The following KCNB2 variants were observed in gnomAD, a reference collection of about 807,000 sequenced individuals.
KCNB2 encodes delayed rectifier potassium channel protein.
KCNB2 carries 15 observed loss-of-function variants against 61.5 expected under a neutral mutation model. The ratio of observed to expected loss-of-function variants is 0.24; its 90% CI spans 0.16 to 0.38. The LOEUF (loss-of-function observed/expected upper bound fraction) is 0.38. KCNB2 is among the 10% of genes least tolerant of loss of function. KCNB2 has a pLI of 1.00. For synonymous variants in KCNB2, 457 were observed against 446.0 expected (o/e 1.02, Z -0.31); for missense variants, 828 against 1,125.2 (o/e 0.74, Z 3.78).
intron 2 of KCNB2, among the ~76,000 whole-genome samples, chr8:72,761,566 G>C (rs1301045509): frequency 6.6e-6 from 1 of 152,118 alleles, no homozygotes; most frequent in Non-Finnish European, 1.5e-5. Flanking sequence ...ATAATGAGAG[G>C]AAAATGGATT....
intron 1 of KCNB2, among the ~76,000 whole-genome samples, chr8:72,562,409 G>A (rs892784228): frequency 6.6e-5 from 10 of 152,154 alleles, no homozygotes; most frequent in African/African-American, 1.9e-4. Context: ...GGGTGCAGCC[G>A]TGCAAAACTC....
chr8:72,883,875 A>G (rs1805757832), intron 2 of KCNB2, among the ~76,000 whole-genome samples: 1 of 152,196 alleles, frequency 6.6e-6, no homozygotes, highest in African/African-American at 2.4e-5. Context: ...GTTACCAACA[A>G]CACTGCGATG....
At chr8:72,757,356 A>G (rs2246155) in intron 2 of KCNB2, among the ~76,000 whole-genome samples, 15 of 151,954 alleles carry the variant, frequency 9.9e-5, no homozygotes, top group African/African-American at 3.6e-4. Flanking sequence ...GGAAAGGGAG[A>G]CAGCAAATAC....
At chr8:72,610,676 T>C (rs1805523002) in intron 2 of KCNB2, among the ~76,000 whole-genome samples, 2 of 152,216 alleles carry the variant, frequency 1.3e-5, no homozygotes, top group Admixed American at 6.5e-5. Flanking sequence ...TAAGGTTTAT[T>C]ATTAGTCTCA....
intron 2 of KCNB2, among the ~76,000 whole-genome samples, chr8:72,781,184 T>C (rs1808747729): frequency 6.6e-6 from 1 of 152,212 alleles, no homozygotes; most frequent in Non-Finnish European, 1.5e-5. Flanking sequence ...ACTCTGATGA[T>C]AGTTTCTTTT....
rs958617343 is a variant in KCNB2 at position 72,573,637 on chromosome 8, C to T, written c.579+5324C>T. Among the ~76,000 whole-genome samples the T allele has an allele frequency of 2.0e-4, 30 of 151,506 alleles. 1 individual carries two copies. Among genetic ancestry groups the T allele is most frequent in the South Asian group, 6.3e-4 (3 of 4,774 alleles). The stretch of plus-strand genomic sequence containing the variant: ...GTGTACCACGCAGTGCTATCCTCTA[C>T]ATTGAGGCCCCTCTGTGTACCGTGC... On this transcript the variant is annotated intron_variant, in intron 2 of 2. Transcript: ENST00000523207.
At chr8:72,869,014 T>C (rs1369890137) in intron 2 of KCNB2, among the ~76,000 whole-genome samples, 1 of 152,078 alleles carries the variant, frequency 6.6e-6, no homozygotes, top group Non-Finnish European at 1.5e-5. Flanking sequence ...AGGTAGGGGA[T>C]AGTTGTTGGT....
chr8:72,780,730 A>G (rs927984578), intron 2 of KCNB2, among the ~76,000 whole-genome samples: 1 of 152,144 alleles, frequency 6.6e-6, no homozygotes, highest in African/African-American at 2.4e-5. Context: ...TCCTTTGGGT[A>G]TATATCCAGT....
chr8:72,567,758 C>A lies in KCNB2; in HGVS notation c.24C>A (p.Gly8=), dbSNP rs760086865. 1.3e-6 allele frequency: 2 copies of A among 1,584,144 alleles called. No individual in the cohort carries two copies. Among genetic ancestry groups the A allele is most frequent in the Non-Finnish European group, 8.6e-7 (1 of 1,167,306 alleles). ...AAATGGCAGAAAAGGCTCCCCCGGG[C>A]TTAAACAGGAAGACTTCAAGGTCGA... The part of the protein sequence containing the change: MAEKAPP[G]LNRKTSRSTL... Residue 8 remains glycine (G), a synonymous_variant, in exon 2 of 3, where the codon GGC becomes GGA. Coordinates refer to ENST00000523207, the MANE Select transcript of KCNB2 (RefSeq NM_004770.3).
intron 2 of KCNB2, among the ~76,000 whole-genome samples, chr8:72,619,859 A>C (rs928519109): frequency 6.6e-6 from 1 of 152,230 alleles, no homozygotes; most frequent in Non-Finnish European, 1.5e-5. Flanking sequence ...AAAGGATTTA[A>C]TTATTCATTG....
At chr8:72,734,761 G>A (rs1807810445) in intron 2 of KCNB2, among the ~76,000 whole-genome samples, 1 of 152,174 alleles carries the variant, frequency 6.6e-6, no homozygotes, top group Non-Finnish European at 1.5e-5. Context: ...TTACCTGGCT[G>A]CATGGTGCAT....
intron 2 of KCNB2, among the ~76,000 whole-genome samples, chr8:72,588,135 A>G (rs778564104): frequency 1.3e-5 from 2 of 151,934 alleles, no homozygotes; most frequent in African/African-American, 2.4e-5. Flanking sequence ...AAATTTTTAC[A>G]GTGGCACATT....
intron 2 of KCNB2, among the ~76,000 whole-genome samples, chr8:72,691,204 G>A (rs945816793): frequency 5.3e-5 from 8 of 152,238 alleles, no homozygotes; most frequent in African/African-American, 1.9e-4. Flanking sequence ...CTCTAGCAAC[G>A]GACATCACTG....
In KCNB2 at chr8:72,580,544, A is replaced by G. The variant is rs529608395; in HGVS notation, c.579+12231A>G. Among the ~76,000 whole-genome samples the G allele has an allele frequency of 2.7e-4, 41 of 152,316 alleles. 1 individual carries two copies. In the South Asian group the frequency reaches 8.5e-3, roughly 32 times the overall value. On this transcript the variant is annotated intron_variant, in intron 2 of 2. Coordinates refer to ENST00000523207, the MANE Select transcript of KCNB2 (RefSeq NM_004770.3). ...TACCCACTTGCTATCCCACAGGACA[A>G]CAGTGAATCATAAATTCCACCCTAA...
At chr8:72,872,613 C>T (rs1805637064) in intron 2 of KCNB2, among the ~76,000 whole-genome samples, 2 of 152,132 alleles carry the variant, frequency 1.3e-5, no homozygotes, top group Admixed American at 6.5e-5. Flanking sequence ...TGAATTGTCA[C>T]GAGTGGTACA....
intron 2 of KCNB2, among the ~76,000 whole-genome samples, chr8:72,789,434 T>C (rs1258710773): frequency 6.6e-6 from 1 of 152,122 alleles, no homozygotes; most frequent in Non-Finnish European, 1.5e-5. Flanking sequence ...ATTATCTAAA[T>C]CTTTTTGAAC....
intron 2 of KCNB2, among the ~76,000 whole-genome samples, chr8:72,804,896 T>G (rs552564831): frequency 6.6e-6 from 1 of 152,236 alleles, no homozygotes; most frequent in African/African-American, 2.4e-5. Flanking sequence ...AAGGAAATCC[T>G]GGACCCCACA....
At chr8:72,567,101 G>T (rs979577909) in intron 1 of KCNB2, among the ~76,000 whole-genome samples, 2 of 152,062 alleles carry the variant, frequency 1.3e-5, no homozygotes. Context: ...CAGGTGGATT[G>T]CTTGCACCTG....
chr8:72,625,696 G>A (rs368457838), intron 2 of KCNB2, among the ~76,000 whole-genome samples: 49 of 152,318 alleles, frequency 3.2e-4, no homozygotes, highest in African/African-American at 1.1e-3. Flanking sequence ...TTCTCAAAGT[G>A]CTGGGATTGC....
Sources: gnomAD v4.1 joint callset for allele counts (sites outside exome capture counted in the v4.1 genomes callset) on GRCh38, gnomAD v4.1.1 for gene constraint, MANE v1.5 for transcripts, NCBI Gene and HGNC (gene_info 2026-07-23, HGNC 2026-07-21) for gene names.